Variants in DLGAP1 observed in about 807,000 individuals in gnomAD.
The protein encoded by DLGAP1 is disks large-associated protein 1.
Under a neutral mutation model 90.8 loss-of-function variants are expected in DLGAP1, and 11 were observed. The ratio of observed to expected loss-of-function variants is 0.12; its 90% CI spans 0.08 to 0.20. The LOEUF is 0.20. Among genes scored for constraint, DLGAP1 ranks in the 10% least tolerant of loss-of-function variants. The pLI is 1.00. For synonymous variants in DLGAP1, 558 were observed against 540.7 expected, an observed-to-expected ratio of 1.03 and a Z score of -0.44; for missense variants, 1,050 against 1,333.8, an observed-to-expected ratio of 0.79 and a Z score of 3.31.
chr18:4,047,626 T>C (rs1004623699), intron 2 of DLGAP1, among the ~76,000 whole-genome samples: 2 of 152,220 alleles, frequency 1.3e-5, no homozygotes, highest in Non-Finnish European at 2.9e-5. Flanking sequence ...TTGTTACTTT[T>C]AGTCCATTTG....
chr18:3,896,848 C>T (rs2071637324), intron 3 of DLGAP1: 2 of 152,332 alleles, frequency 1.3e-5, no homozygotes, highest in South Asian at 4.1e-4. Flanking sequence ...AAAGGTCACT[C>T]TCTGCCTTCC....
chr18:4,440,452 T>C (rs2083507730), intron 1 of DLGAP1, among the ~76,000 whole-genome samples: 1 of 152,200 alleles, frequency 6.6e-6, no homozygotes, highest in Non-Finnish European at 1.5e-5. Flanking sequence ...TGGCCATCTA[T>C]TTCCTATCTT....
At chr18:3,816,523 G>A (rs968196915) in intron 4 of DLGAP1, among the ~76,000 whole-genome samples, 1 of 152,164 alleles carries the variant, frequency 6.6e-6, no homozygotes, top group Non-Finnish European at 1.5e-5. Flanking sequence ...GTGGTTTGTA[G>A]GTTCTAATTC....
chr18:4,065,366 GAGA>G (rs2075356611), intron 2 of DLGAP1, among the ~76,000 whole-genome samples: 1 of 151,986 alleles, frequency 6.6e-6, no homozygotes, highest in African/African-American at 2.4e-5. Flanking sequence ...TAAATAGTAA[GAGA>G]AGAAGTCAAA....
intron 10 of DLGAP1, among the ~76,000 whole-genome samples, chr18:3,511,773 G>A (rs955616985): frequency 6.6e-6 from 1 of 152,104 alleles, no homozygotes; most frequent in Admixed American, 6.5e-5. Flanking sequence ...CCTATGAAAT[G>A]AAGCCCTACA....
At chr18:3,915,923 TG>T (rs2072133290) in intron 3 of DLGAP1, among the ~76,000 whole-genome samples, 1 of 152,200 alleles carries the variant, frequency 6.6e-6, no homozygotes, top group Non-Finnish European at 1.5e-5. Flanking sequence ...TTTAATTTTT[TG>T]TGGAATTTCT....
chr18:3,962,762 T>C (rs1340314218), intron 3 of DLGAP1, among the ~76,000 whole-genome samples: 1 of 152,208 alleles, frequency 6.6e-6, no homozygotes, highest in Non-Finnish European at 1.5e-5. Flanking sequence ...ACAGCGTGTA[T>C]CTCCCAGGAG....
At chr18:3,980,220 AAGAGG>A (rs2073695970) in intron 3 of DLGAP1, among the ~76,000 whole-genome samples, 1 of 152,130 alleles carries the variant, frequency 6.6e-6, no homozygotes, top group Non-Finnish European at 1.5e-5. Context: ...GAGGAAGGAG[AAGAGG>A]AGAGGCTGCA....
chr18:3,646,172 G>A (rs1350289555), intron 7 of DLGAP1, among the ~76,000 whole-genome samples: 2 of 152,140 alleles, frequency 1.3e-5, no homozygotes, highest in Non-Finnish European at 2.9e-5. Flanking sequence ...AAGGCTGGAA[G>A]ATAGCTTGAA....
chr18:3,881,639 C>G (rs1336019565), intron 3 of DLGAP1, among the ~76,000 whole-genome samples: 1 of 152,316 alleles, frequency 6.6e-6, no homozygotes, highest in South Asian at 2.1e-4. Flanking sequence ...ATGAGCCGGG[C>G]GCGGTGGCTC....
At chr18:4,355,955 A>G (rs1477958998) in intron 1 of DLGAP1, among the ~76,000 whole-genome samples, 1 of 151,164 alleles carries the variant, frequency 6.6e-6, no homozygotes, top group Non-Finnish European at 1.5e-5. Context: ...ATCTGCTCCA[A>G]TCATAGCTCT....
intron 3 of DLGAP1, chr18:3,895,673 C>G (rs963318784): frequency 6.6e-6 from 1 of 152,252 alleles, no homozygotes; most frequent in African/African-American, 2.4e-5. Flanking sequence ...ATTGTTGGTG[C>G]CAGCACCGTA....
At chr18:4,032,716 A>C (rs1274725084) in intron 2 of DLGAP1, among the ~76,000 whole-genome samples, 1 of 149,856 alleles carries the variant, frequency 6.7e-6, no homozygotes, top group Non-Finnish European at 1.5e-5. Context: ...GAATGGATTT[A>C]GGGGCTAGTA....
At chr18:4,062,780 T>C (rs2075316853) in intron 2 of DLGAP1, among the ~76,000 whole-genome samples, 1 of 152,112 alleles carries the variant, frequency 6.6e-6, no homozygotes, top group South Asian at 2.1e-4. Context: ...TGTTATTAGA[T>C]TCTAGTCCCA....
chr18:4,390,268 A>G (rs1186693401), intron 1 of DLGAP1, among the ~76,000 whole-genome samples: 1 of 152,184 alleles, frequency 6.6e-6, no homozygotes, highest in Non-Finnish European at 1.5e-5. Flanking sequence ...GAAAGGACAG[A>G]GGTCCCATGC....
At chr18:4,323,598 A>G (rs752586662) in intron 1 of DLGAP1, among the ~76,000 whole-genome samples, 3 of 152,200 alleles carry the variant, frequency 2.0e-5, no homozygotes, top group Non-Finnish European at 4.4e-5. Flanking sequence ...ATACTCTGAA[A>G]TCAACCATAC....
At chr18:3,684,294 A>G (rs751358707) in intron 7 of DLGAP1, among the ~76,000 whole-genome samples, 3 of 151,138 alleles carry the variant, frequency 2.0e-5, no homozygotes, top group Non-Finnish European at 2.9e-5. Context: ...GGCTCAAGCA[A>G]TTCTCCCACC....
At chr18:3,664,416 A>G (rs2059808049) in intron 7 of DLGAP1, among the ~76,000 whole-genome samples, 1 of 152,200 alleles carries the variant, frequency 6.6e-6, no homozygotes, top group Non-Finnish European at 1.5e-5. Flanking sequence ...GCAACAGATG[A>G]CAGACATAGT....
intron 1 of DLGAP1, among the ~76,000 whole-genome samples, chr18:4,164,349 G>A (rs898891980): frequency 6.6e-6 from 1 of 152,046 alleles, no homozygotes; most frequent in East Asian, 1.9e-4. Flanking sequence ...ATTATCTGAT[G>A]GGTTTAAAAC....
Sources: gnomAD v4.1 joint callset for allele counts (sites outside exome capture counted in the v4.1 genomes callset) on GRCh38, gnomAD v4.1.1 for gene constraint, MANE v1.5 for transcripts, NCBI Gene and HGNC (gene_info 2026-07-23, HGNC 2026-07-21) for gene names.